Variants in SGCD observed in about 807,000 individuals in gnomAD.
SGCD encodes the protein sarcoglycan delta.
Under a neutral mutation model 36.6 loss-of-function variants are expected in SGCD, and 18 were observed. That is an observed-to-expected ratio of 0.49 (90% CI 0.34 to 0.73). The LOEUF (loss-of-function observed/expected upper bound fraction) is 0.73, where lower values mean the gene tolerates loss of function less well. SGCD is among the 30% of genes least tolerant of loss of function. SGCD has a pLI of 0.01. For synonymous variants in SGCD, 133 were observed against 130.6 expected (o/e 1.02, Z -0.12); for missense variants, 387 against 346.7 (o/e 1.12, Z -0.92).
intron 2 of SGCD, among the ~76,000 whole-genome samples, chr5:156,330,191 G>A (rs1768001288): frequency 2.0e-5 from 3 of 152,088 alleles, no homozygotes; most frequent in South Asian, 4.2e-4. Flanking sequence ...TTCTGATTTC[G>A]GATTTTCAGA....
At chr5:155,822,162 T>C in the SGCD span, among the ~76,000 whole-genome samples, 2 of 152,194 alleles carry the variant, frequency 1.3e-5, no homozygotes, top group Non-Finnish European at 2.9e-5. Context: ...GAACAGTGGA[T>C]TTAGAACTAT....
At position 156,514,854 on chromosome 5, in the gene SGCD, C is replaced by T. The variant is rs149543912; in HGVS notation, c.294+6152C>T. Among the ~76,000 whole-genome samples the T allele has an allele frequency of 4.3e-3, 656 of 152,192 alleles. 3 individuals are homozygous for T. Among genetic ancestry groups the T allele is most frequent in the African/African-American group, 0.014 (586 of 41,512 alleles). ...TATTAACACCTACATCATGTGTGGT[C>T]GTAAATAAGTAAGATAATGTTTTTT... On this transcript the variant is annotated intron_variant, in intron 4 of 8. Transcript: ENST00000337851.
intron 1 of SGCD, among the ~76,000 whole-genome samples, chr5:156,021,664 C>G (rs1759100895): frequency 6.6e-6 from 1 of 152,060 alleles, no homozygotes; most frequent in Admixed American, 6.6e-5. Context: ...TAACTTGGGC[C>G]TCGGCAACCT....
chr5:156,572,909 T>C (rs1759780011), intron 4 of SGCD, among the ~76,000 whole-genome samples: 2 of 152,182 alleles, frequency 1.3e-5, no homozygotes, highest in African/African-American at 4.8e-5. Flanking sequence ...ATCACTCCTC[T>C]TGTCTCTCTT....
At chr5:156,082,244 AGT>A (rs758712122) in intron 1 of SGCD, among the ~76,000 whole-genome samples, 11 of 97,404 alleles carry the variant, frequency 1.1e-4, no homozygotes, top group East Asian at 3.5e-4. Flanking sequence ...GAGAGACAGG[AGT>A]GTGTGTGTGT....
chr5:156,676,420 G>T (rs1241550202), intron 7 of SGCD, among the ~76,000 whole-genome samples: 5 of 152,166 alleles, frequency 3.3e-5, no homozygotes, highest in Non-Finnish European at 5.9e-5. Context: ...GCAAATCCCA[G>T]CAGTATTTTT....
At chr5:156,410,511 G>A (rs1438429751) in intron 3 of SGCD, among the ~76,000 whole-genome samples, 2 of 152,142 alleles carry the variant, frequency 1.3e-5, no homozygotes, top group Non-Finnish European at 2.9e-5. Context: ...TGTACCTTCT[G>A]AATCTAAAAT....
chr5:156,397,357 TA>T (rs1771913434), intron 3 of SGCD, among the ~76,000 whole-genome samples: 2 of 152,248 alleles, frequency 1.3e-5, no homozygotes, highest in African/African-American at 4.8e-5. Context: ...TTTTGCTTTT[TA>T]TAAACTTTTA....
At chr5:155,751,013 T>G in the SGCD span, among the ~76,000 whole-genome samples, 1 of 152,312 alleles carries the variant, frequency 6.6e-6, no homozygotes, top group Admixed American at 6.5e-5. Flanking sequence ...GCTACAGAAC[T>G]CCTTAGGTAC....
At chr5:156,472,397 T>G (rs1335373921) in intron 3 of SGCD, among the ~76,000 whole-genome samples, 1 of 152,190 alleles carries the variant, frequency 6.6e-6, no homozygotes. Context: ...AATAAAGAAC[T>G]AATATATACA....
At chr5:156,180,183 T>TA (rs1171498998) in intron 3 of SGCD, among the ~76,000 whole-genome samples, 8 of 152,176 alleles carry the variant, frequency 5.3e-5, no homozygotes, top group Non-Finnish European at 1.2e-4. Flanking sequence ...TTAAAACTAT[T>TA]AAAAAACTGC....
At position 156,346,528 on chromosome 5, in the gene SGCD, G is replaced by A. The variant is rs1768949021; in HGVS notation, c.192+1851G>A. On this transcript the variant is annotated intron_variant, in intron 3 of 8. Coordinates refer to ENST00000337851, the MANE Select transcript of SGCD (RefSeq NM_000337.6). ...TGGCCCAAGCTGGTCTCAAACTCCT[G>A]ACCTCAAGCAGTTCTCCTACCTCAG... Among the ~76,000 whole-genome samples the A allele has an allele frequency of 5.3e-5, 8 of 152,128 alleles. No homozygotes were observed. The South Asian group carries it at 1.7e-3, about 32-fold the overall frequency.
intron 3 of SGCD, among the ~76,000 whole-genome samples, chr5:156,442,714 G>A (rs1259157953): frequency 1.3e-5 from 2 of 152,104 alleles, no homozygotes; most frequent in African/African-American, 4.8e-5. Flanking sequence ...TATTATAAAT[G>A]CTTTGAATTT....
At position 156,341,549 on chromosome 5, in the gene SGCD, C is replaced by T. The variant is rs750166308; in HGVS notation, c.4-2940C>T. Reference sequence around the variant, plus strand: ...TATTTGTTCAGTTTCTTTTGTGTTTCGGTGCATAATTAGGGTTGAGTGGCA... The same window carrying T: ...TATTTGTTCAGTTTCTTTTGTGTTTTGGTGCATAATTAGGGTTGAGTGGCA... On this transcript the variant is annotated intron_variant, in intron 2 of 8. Transcript: ENST00000337851. Among the ~76,000 whole-genome samples the T allele has an allele frequency of 4.7e-4, 72 of 152,086 alleles. 1 individual carries two copies. Among genetic ancestry groups the T allele is most frequent in the African/African-American group, 1.6e-3 (65 of 41,494 alleles).
At chr5:155,747,509 G>A in the SGCD span, among the ~76,000 whole-genome samples, 2 of 152,152 alleles carry the variant, frequency 1.3e-5, no homozygotes, top group African/African-American at 2.4e-5. Context: ...CTTTTTGTTG[G>A]AGGATAGGGA....
At chr5:156,365,051 GA>G (rs1770017149) in intron 3 of SGCD, among the ~76,000 whole-genome samples, 1 of 152,160 alleles carries the variant, frequency 6.6e-6, no homozygotes, top group Non-Finnish European at 1.5e-5. Context: ...AGGGACTTCT[GA>G]TTTAAAAATG....
At chr5:156,073,574 A>C (rs1251359034) in intron 1 of SGCD, among the ~76,000 whole-genome samples, 1 of 152,170 alleles carries the variant, frequency 6.6e-6, no homozygotes, top group Non-Finnish European at 1.5e-5. Context: ...AAAAGGTAAA[A>C]TAAATATGTC....
intron 3 of SGCD, among the ~76,000 whole-genome samples, chr5:156,471,219 T>TA (rs1754947629): frequency 6.6e-6 from 1 of 152,208 alleles, no homozygotes; most frequent in Admixed American, 6.5e-5. Flanking sequence ...TCCATATTTT[T>TA]AAGATACTTC....
chr5:156,315,022 G>A lies in SGCD; in HGVS notation c.-43-14512G>A, dbSNP rs140642667. On this transcript the variant is annotated intron_variant, in intron 3 of 9. Coordinates refer to the SGCD transcript ENST00000517913. The stretch of plus-strand genomic sequence containing the variant: ...CACCACAATCAATCTAATTAACATA[G>A]CCATTACCTCACATAGTTACCATTT... Among the ~76,000 whole-genome samples the A allele has an allele frequency of 1.2e-3, 186 of 152,044 alleles. 1 individual carries two copies. The highest frequency in any genetic ancestry group is 4.3e-3 in the African/African-American group (179 of 41,528).
Sources: gnomAD v4.1 joint callset for allele counts (sites outside exome capture counted in the v4.1 genomes callset) on GRCh38, gnomAD v4.1.1 for gene constraint, MANE v1.5 for transcripts, NCBI Gene and HGNC (gene_info 2026-07-23, HGNC 2026-07-21) for gene names.